POU6F2: variants seen among roughly 807,000 people sequenced by gnomAD.
POU6F2 encodes the protein POU domain, class 6, transcription factor 2.
In POU6F2, 31 loss-of-function variants were observed where a neutral mutation model predicts 71.3. The ratio of observed to expected loss-of-function variants is 0.43; its 90% CI spans 0.33 to 0.59. The LOEUF (loss-of-function observed/expected upper bound fraction) is 0.59. Ranked by LOEUF, POU6F2 falls within the 20% of genes least tolerant of loss-of-function variation. The probability of loss-of-function intolerance (pLI) is 0.04; values close to 1 mark genes in which losing one functional copy is unlikely to be tolerated. For missense variants in POU6F2, 783 were observed against 856.8 expected (o/e 0.91, Z 1.07); for synonymous variants, 347 against 355.7 (o/e 0.98, Z 0.27).
At chr7:38,991,401 T>C (rs1788599874) in intron 1 of POU6F2, among the ~76,000 whole-genome samples, 1 of 152,184 alleles carries the variant, frequency 6.6e-6, no homozygotes, top group Non-Finnish European at 1.5e-5. Context: ...TGCTAGCATC[T>C]TGTGCCCTGC....
Position 39,085,923 on chromosome 7 carries a change from G to A in POU6F2, c.169G>A (p.Glu57Lys). ...LLSVRSEMNA[E>K]LRGEDKAATS... ...GTCAGTGCGGAGTGAAATGAATGCGGAGTTGAGAGGTGAGGACAAGGCTGC... is the reference window on the plus strand; with the variant it reads ...GTCAGTGCGGAGTGAAATGAATGCGAAGTTGAGAGGTGAGGACAAGGCTGC... The change falls in exon 2 of 10, where the codon GAG becomes AAG. Residue 57 changes from glutamate (E) to lysine (K), a missense_variant. Transcript: ENST00000518318. The A allele has an allele frequency of 6.2e-7, 1 of 1,613,730 alleles. No individual in the cohort carries two copies. The highest frequency in any genetic ancestry group is 1.7e-5 in the Admixed American group (1 of 59,968).
intron 1 of POU6F2, among the ~76,000 whole-genome samples, chr7:39,060,053 C>A (rs2128715832): frequency 6.6e-6 from 1 of 152,118 alleles, no homozygotes; most frequent in Middle Eastern, 3.4e-3. Flanking sequence ...ACTAAAAATA[C>A]AAAAATTAGC....
intron 4 of POU6F2, among the ~76,000 whole-genome samples, chr7:39,250,046 G>A (rs971805463): frequency 1.1e-4 from 17 of 152,200 alleles, no homozygotes; most frequent in Non-Finnish European, 2.1e-4. Flanking sequence ...AAGCTGGATC[G>A]AGAGAGGGCC....
chr7:38,994,612 C>T (rs115588691), intron 1 of POU6F2, among the ~76,000 whole-genome samples: 1,583 of 152,130 alleles, frequency 0.01, 31 homozygotes, highest in African/African-American at 0.036. Flanking sequence ...TCTGGAGGTG[C>T]TAATCAGTGA....
At chr7:39,101,333 C>T (rs1408469657) in intron 2 of POU6F2, among the ~76,000 whole-genome samples, 1 of 152,118 alleles carries the variant, frequency 6.6e-6, no homozygotes, top group African/African-American at 2.4e-5. Context: ...CTCAGCCTTC[C>T]CAAAGTGCTG....
At chr7:39,433,989 C>T (rs936191560) in intron 7 of POU6F2, among the ~76,000 whole-genome samples, 4 of 152,144 alleles carry the variant, frequency 2.6e-5, no homozygotes, top group Non-Finnish European at 5.9e-5. Flanking sequence ...GCTCATCACC[C>T]TGTAGAGGAC....
chr7:39,441,510 G>C (rs953052939), intron 7 of POU6F2, among the ~76,000 whole-genome samples: 19 of 151,966 alleles, frequency 1.3e-4, no homozygotes, highest in African/African-American at 4.6e-4. Flanking sequence ...GTCCCTCTTG[G>C]GAAACATCAG....
intron 5 of POU6F2, among the ~76,000 whole-genome samples, chr7:39,382,141 C>T (rs549315840): frequency 4.0e-4 from 61 of 152,148 alleles, no homozygotes; most frequent in Non-Finnish European, 8.2e-4. Flanking sequence ...AGTTCTGACC[C>T]AGATCCAACC....
chr7:39,140,126 G>C (rs1222604162), intron 2 of POU6F2, among the ~76,000 whole-genome samples: 1 of 152,168 alleles, frequency 6.6e-6, no homozygotes, highest in Admixed American at 6.5e-5. Flanking sequence ...CAAATGGGAT[G>C]GGAAAGAGCT....
intron 8 of POU6F2, among the ~76,000 whole-genome samples, chr7:39,452,310 T>C (rs537095852): frequency 2.6e-5 from 4 of 152,352 alleles, no homozygotes; most frequent in African/African-American, 9.6e-5. Flanking sequence ...TATATGTATA[T>C]ATAGTTTTTA....
At position 39,121,970 on chromosome 7, in the gene POU6F2, A is replaced by G. The variant is rs1185141577; in HGVS notation, c.277+35939A>G. On this transcript the variant is annotated intron_variant, in intron 2 of 9. Transcript: ENST00000518318. ...CGCATTAGCCTACTAAAGTTCTGGG[A>G]TTATAGGCATGAGCCACCACACCCA... 2.6e-5 allele frequency among the ~76,000 whole-genome samples: 4 copies of G among 152,222 alleles called. No homozygotes were observed. The East Asian group carries it at 7.7e-4, about 29-fold the overall frequency.
chr7:39,126,360 G>A (rs1432538676), intron 2 of POU6F2, among the ~76,000 whole-genome samples: 1 of 152,160 alleles, frequency 6.6e-6, no homozygotes, highest in Non-Finnish European at 1.5e-5. Flanking sequence ...CTGTGAGAAG[G>A]GCATGCAAAT....
chr7:39,252,437 C>T (rs903831734), intron 4 of POU6F2, among the ~76,000 whole-genome samples: 14 of 147,466 alleles, frequency 9.5e-5, no homozygotes, highest in Admixed American at 3.4e-4. Context: ...CACACACACA[C>T]GGAATCCTGA....
intron 4 of POU6F2, among the ~76,000 whole-genome samples, chr7:39,239,811 G>C (rs1252034535): frequency 6.6e-6 from 1 of 152,094 alleles, no homozygotes; most frequent in Non-Finnish European, 1.5e-5. Flanking sequence ...AAACTATCAG[G>C]AGTCAAATTT....
intron 2 of POU6F2, among the ~76,000 whole-genome samples, chr7:39,142,814 A>G (rs569252056): frequency 6.6e-6 from 1 of 152,342 alleles, no homozygotes; most frequent in East Asian, 1.9e-4. Context: ...GAGTTAATGA[A>G]TGTTAGCAGT....
chr7:39,102,602 TC>T (rs1791596587), intron 2 of POU6F2, among the ~76,000 whole-genome samples: 1 of 152,166 alleles, frequency 6.6e-6, no homozygotes, highest in African/African-American at 2.4e-5. Flanking sequence ...GAGTCTACTA[TC>T]CTATCTAGGG....
At chr7:38,988,957 T>C (rs1448471882) in intron 1 of POU6F2, among the ~76,000 whole-genome samples, 2 of 152,138 alleles carry the variant, frequency 1.3e-5, no homozygotes, top group African/African-American at 4.8e-5. Flanking sequence ...CTTTCCTCTT[T>C]TTCCTCCTCC....
chr7:39,366,116 A>G (rs77462648), intron 5 of POU6F2, among the ~76,000 whole-genome samples: 146 of 152,336 alleles, frequency 9.6e-4, no homozygotes, highest in African/African-American at 3.3e-3. Flanking sequence ...TTTAACCAGT[A>G]ACAAACTCCA....
chr7:39,208,943 A>G (rs887313764), intron 4 of POU6F2, among the ~76,000 whole-genome samples: 1 of 152,198 alleles, frequency 6.6e-6, no homozygotes, highest in African/African-American at 2.4e-5. Context: ...TTCCGTTTGG[A>G]ACATTTGTGC....
Sources: gnomAD v4.1 joint callset for allele counts (sites outside exome capture counted in the v4.1 genomes callset) on GRCh38, gnomAD v4.1.1 for gene constraint, MANE v1.5 for transcripts, NCBI Gene and HGNC (gene_info 2026-07-23, HGNC 2026-07-21) for gene names.